The following DTL variants were observed in gnomAD, a reference collection of about 807,000 sequenced individuals.
DTL encodes the protein denticleless protein homolog.
A neutral mutation model predicts 87.0 loss-of-function variants in DTL; 46 were observed. The ratio of observed to expected loss-of-function variants is 0.53; its 90% CI spans 0.42 to 0.68. The LOEUF (loss-of-function observed/expected upper bound fraction) is 0.68, where lower values mean the gene tolerates loss of function less well. DTL is among the 30% of genes least tolerant of loss of function. The pLI, the probability that DTL is intolerant of heterozygous loss-of-function variation, is 0.00. For synonymous variants in DTL, 308 were observed against 311.2 expected (o/e 0.99, Z 0.11); for missense variants, 737 against 869.4 (o/e 0.85, Z 1.91).
chr1:212,086,272 T>C (rs1479437795), intron 13 of DTL, among the ~76,000 whole-genome samples: 2 of 152,212 alleles, frequency 1.3e-5, no homozygotes, highest in East Asian at 1.9e-4. Context: ...CCTGTCGTTA[T>C]ATGTACTTTT....
At chr1:212,096,448 T>C (rs960941578) in intron 13 of DTL, among the ~76,000 whole-genome samples, 1 of 152,216 alleles carries the variant, frequency 6.6e-6, no homozygotes, top group Non-Finnish European at 1.5e-5. Flanking sequence ...TCTCTAGTTC[T>C]TGAGGTGTGA....
chr1:212,088,209 T>G (rs1017520372), intron 13 of DTL, among the ~76,000 whole-genome samples: 1 of 152,204 alleles, frequency 6.6e-6, no homozygotes, highest in South Asian at 2.1e-4. Context: ...TTGATTATCC[T>G]TATCCTAAAG....
chr1:212,057,980 CG>C (rs1289565405), intron 5 of DTL, among the ~76,000 whole-genome samples: 1 of 152,028 alleles, frequency 6.6e-6, no homozygotes, highest in Non-Finnish European at 1.5e-5. Flanking sequence ...TAAGAAGAAA[CG>C]AAGGTTATTC....
chr1:212,078,037 C>G lies in DTL; in HGVS notation c.1036-136C>G, dbSNP rs530188618. On this transcript the variant is annotated intron_variant, in intron 11 of 14. Transcript: ENST00000366991. The stretch of plus-strand genomic sequence containing the variant: ...TTGGAAATCTGTTGTTTTTTTTTTC[C>G]TAACTATAGCTAGGCAGGTCTAGTG... The G allele has an allele frequency of 2.2e-3, 1,059 of 470,922 alleles. 3 individuals carry two copies. Among genetic ancestry groups the G allele is most frequent in the Admixed American group, 2.9e-3 (73 of 24,880 alleles). The allele number at this position is 470,922 out of a possible 1,614,324, so 29.2% of individuals were successfully genotyped here. A position where few individuals can be genotyped will look rare whatever the true frequency, so the allele number is the denominator to read the frequency against.
At chr1:212,087,724 A>G (rs975087126) in intron 13 of DTL, among the ~76,000 whole-genome samples, 2 of 152,098 alleles carry the variant, frequency 1.3e-5, no homozygotes, top group Non-Finnish European at 1.5e-5. Context: ...TCGACTCTCT[A>G]AGCCAGCTTC....
chr1:212,068,632 C>G lies in DTL; in HGVS notation c.851C>G (p.Ser284Cys), dbSNP rs751952843. 1.9e-6 allele frequency: 3 copies of G among 1,613,278 alleles called. No individual in the cohort carries two copies. The highest frequency in any genetic ancestry group is 2.5e-6 in the Non-Finnish European group (3 of 1,179,530). The change falls in exon 10 of 15, where the codon TCT (serine) becomes TGT (cysteine). Residue 284 changes from serine (S) to cysteine (C), a missense_variant. Physicochemically the swap from Ser to Cys is moderately radical, Grantham distance 112 (BLOSUM62 -1). Coordinates refer to ENST00000366991, the MANE Select transcript of DTL (RefSeq NM_016448.4). ...AGTCTGATTTTGGATTCCACTGGCT[C>G]TACTTTATTTGCTAATTGCACAGAC... ...YSSLILDSTG[S>C]TLFANCTDDN... is the part of the protein sequence containing the mutation.
chr1:212,083,029 A>G (rs181308508), intron 13 of DTL, among the ~76,000 whole-genome samples: 200 of 152,348 alleles, frequency 1.3e-3, no homozygotes, highest in African/African-American at 4.6e-3. Flanking sequence ...TGACTATAAG[A>G]TATAACCTTG....
At chr1:212,083,881 C>T (rs928105866) in intron 13 of DTL, among the ~76,000 whole-genome samples, 2 of 143,914 alleles carry the variant, frequency 1.4e-5, no homozygotes, top group African/African-American at 2.4e-5. Flanking sequence ...CAAGTTGACT[C>T]TTACTGGCCA....
chr1:212,100,819 A>G lies in DTL; in HGVS notation c.1829A>G (p.Lys610Arg), dbSNP rs771853247. 6.2e-7 allele frequency: 1 copy of G among 1,614,138 alleles called. No homozygotes were observed. Among genetic ancestry groups the G allele is most frequent in the Non-Finnish European group, 8.5e-7 (1 of 1,180,026 alleles). The change falls in exon 14 of 15, where the codon AAA becomes AGA. Residue 610 changes from lysine to arginine, a missense_variant. Coordinates refer to ENST00000366991, the MANE Select transcript of DTL (RefSeq NM_016448.4). ...TCTCTAGGTCCTACCAAATCAAGCAAAATTGAAGGAGCTGGTACCAGTATC... is the reference window on the plus strand; with the variant it reads ...TCTCTAGGTCCTACCAAATCAAGCAGAATTGAAGGAGCTGGTACCAGTATC... Reference protein sequence around the residue: ...KDSLGPTKSSKIEGAGTSISE... With the variant: ...KDSLGPTKSSRIEGAGTSISE...
At chr1:212,075,316 G>C (rs567723443) in intron 11 of DTL, among the ~76,000 whole-genome samples, 1 of 152,114 alleles carries the variant, frequency 6.6e-6, no homozygotes, top group South Asian at 2.1e-4. Flanking sequence ...CTTGTGCCTT[G>C]AATTAAAGTC....
chr1:212,061,322 A>G (rs1052906978), intron 5 of DTL, among the ~76,000 whole-genome samples: 5 of 152,162 alleles, frequency 3.3e-5, no homozygotes, highest in African/African-American at 4.8e-5. Context: ...GCCAACAGGT[A>G]TGTGAAAAAC....
At chr1:212,065,171 G>A in intron 7 of DTL, 142 bp downstream of exon 7, 1 of 573,370 alleles carries the variant, frequency 1.7e-6, no homozygotes. Context: ...ACCTACATTT[G>A]TGGTTCTCAA....
chr1:212,039,279 T>C (rs1220278344), intron 1 of DTL, among the ~76,000 whole-genome samples: 1 of 152,230 alleles, frequency 6.6e-6, no homozygotes, highest in Non-Finnish European at 1.5e-5. Context: ...GAAGTCCATC[T>C]TTTTAAAGAG....
At chr1:212,036,000 C>G in intron 1 of DTL, 58 bp downstream of exon 1, 1 of 1,552,178 alleles carries the variant, frequency 6.4e-7, no homozygotes, top group South Asian at 1.1e-5. Context: ...CCCCGAAACA[C>G]ACGCCACCTC....
At chr1:212,048,217 G>A (rs947046738) in intron 5 of DTL, among the ~76,000 whole-genome samples, 5 of 151,380 alleles carry the variant, frequency 3.3e-5, no homozygotes, top group Admixed American at 6.6e-5. Flanking sequence ...TTTTTGAGAC[G>A]GAGTCTCTGT....
At chr1:212,091,140 AG>A (rs1655268936) in intron 13 of DTL, among the ~76,000 whole-genome samples, 2 of 152,360 alleles carry the variant, frequency 1.3e-5, no homozygotes, top group South Asian at 4.1e-4. Context: ...AAATGGACAA[AG>A]GGCCTGAATA....
At chr1:212,085,480 A>G (rs1655106280) in intron 13 of DTL, among the ~76,000 whole-genome samples, 2 of 152,110 alleles carry the variant, frequency 1.3e-5, no homozygotes. Flanking sequence ...TTCTGCCCAT[A>G]TTCTAATTGG....
intron 7 of DTL, 97 bp downstream of exon 7, chr1:212,065,126 C>G (rs1391408060): frequency 1.1e-6 from 1 of 892,896 alleles, no homozygotes; most frequent in Non-Finnish European, 1.8e-6. Context: ...CTTCATGATT[C>G]TCATTTGATA....
intron 5 of DTL, among the ~76,000 whole-genome samples, chr1:212,048,397 T>C (rs1381922926): frequency 6.6e-6 from 1 of 152,122 alleles, no homozygotes; most frequent in Non-Finnish European, 1.5e-5. Context: ...TTCACCATCT[T>C]GGCGAGGCTG....
Sources: allele counts gnomAD v4.1 joint callset (sites outside exome capture counted in the v4.1 genomes callset), GRCh38; gene constraint gnomAD v4.1.1; transcripts MANE v1.5; gene names NCBI Gene and HGNC (gene_info 2026-07-23, HGNC 2026-07-21).